Variants in GABRB1 observed in about 807,000 individuals in gnomAD.
The protein encoded by GABRB1 is gamma-aminobutyric acid type A receptor subunit beta1.
Under a neutral mutation model 51.6 loss-of-function variants are expected in GABRB1, and 17 were observed. That is an observed-to-expected ratio of 0.33 (90% CI 0.23 to 0.49). The LOEUF is 0.49. GABRB1 is among the 20% of genes least tolerant of loss of function. The pLI, the probability that GABRB1 is intolerant of heterozygous loss-of-function variation, is 0.99. For synonymous variants in GABRB1, 247 were observed against 218.9 expected, an observed-to-expected ratio of 1.13 and a Z score of -1.14; for missense variants, 410 against 600.6, an observed-to-expected ratio of 0.68 and a Z score of 3.32.
intron 4 of GABRB1, among the ~76,000 whole-genome samples, chr4:47,206,056 TA>T (rs142712255): frequency 1.2e-4 from 18 of 149,354 alleles, no homozygotes; most frequent in South Asian, 2.1e-4. Flanking sequence ...TTCACAGGAT[TA>T]AAAAAAAAAT....
chr4:47,111,305 C>A (rs888307833), intron 3 of GABRB1, among the ~76,000 whole-genome samples: 4 of 151,688 alleles, frequency 2.6e-5, no homozygotes, highest in Non-Finnish European at 5.9e-5. Context: ...TTGTGTCCAA[C>A]TAAGGAATGT....
At chr4:47,052,588 C>T (rs1206946148) in intron 3 of GABRB1, among the ~76,000 whole-genome samples, 1 of 152,152 alleles carries the variant, frequency 6.6e-6, no homozygotes, top group East Asian at 1.9e-4. Context: ...TGTACTGTGG[C>T]CTTTAAAATA....
chr4:47,079,141 A>G (rs1727710162), intron 3 of GABRB1, among the ~76,000 whole-genome samples: 1 of 152,156 alleles, frequency 6.6e-6, no homozygotes, highest in Non-Finnish European at 1.5e-5. Flanking sequence ...TGAGTTAGGG[A>G]GGATTCCCTC....
At chr4:47,163,850 A>C (rs998213899) in intron 4 of GABRB1, among the ~76,000 whole-genome samples, 4 of 151,954 alleles carry the variant, frequency 2.6e-5, no homozygotes, top group African/African-American at 7.2e-5. Flanking sequence ...ACTGTTCCTA[A>C]ATTTCCTACT....
At chr4:47,026,035 AG>A (rs1215654537) in intron 1 of GABRB1, among the ~76,000 whole-genome samples, 1 of 152,066 alleles carries the variant, frequency 6.6e-6, no homozygotes, top group Non-Finnish European at 1.5e-5. Context: ...TTCCAAGGCA[AG>A]AAAAAATGTT....
intron 1 of GABRB1, among the ~76,000 whole-genome samples, chr4:47,011,056 G>A (rs948886027): frequency 6.6e-6 from 1 of 152,090 alleles, no homozygotes; most frequent in South Asian, 2.1e-4. Flanking sequence ...ACGTTGGTGT[G>A]AATAAGTTTT....
At chr4:47,329,954 A>G (rs1725415336) in intron 5 of GABRB1, among the ~76,000 whole-genome samples, 1 of 152,104 alleles carries the variant, frequency 6.6e-6, no homozygotes, top group African/African-American at 2.4e-5. Flanking sequence ...GAGTCAGCCA[A>G]CTAGAGAGCC....
chr4:47,204,183 C>T (rs1453256591), intron 4 of GABRB1, among the ~76,000 whole-genome samples: 3 of 152,076 alleles, frequency 2.0e-5, no homozygotes, highest in East Asian at 1.9e-4. Context: ...TCTATCACAT[C>T]GAGTCTGGGT....
chr4:47,153,949 T>C (rs1390798358), intron 3 of GABRB1, among the ~76,000 whole-genome samples: 3 of 152,014 alleles, frequency 2.0e-5, no homozygotes, highest in African/African-American at 7.2e-5. Flanking sequence ...AAAGAATGCA[T>C]GTATTTTAAA....
At chr4:47,310,181 G>C (rs1394533421) in intron 4 of GABRB1, among the ~76,000 whole-genome samples, 2 of 152,160 alleles carry the variant, frequency 1.3e-5, no homozygotes, top group African/African-American at 4.8e-5. Flanking sequence ...TCTGATGTAA[G>C]AGCTCTGGAT....
chr4:47,249,410 G>A (rs1258323868), intron 4 of GABRB1, among the ~76,000 whole-genome samples: 1 of 152,006 alleles, frequency 6.6e-6, no homozygotes, highest in East Asian at 1.9e-4. Flanking sequence ...ATTTATCGAG[G>A]CTCATTTTAT....
intron 3 of GABRB1, among the ~76,000 whole-genome samples, chr4:47,063,412 T>C (rs1291577492): frequency 6.6e-6 from 1 of 152,226 alleles, no homozygotes; most frequent in Admixed American, 6.5e-5. Flanking sequence ...AACTGTCTGC[T>C]ACATGTCGGC....
At chr4:47,319,094 G>T (rs559790857) in intron 4 of GABRB1, among the ~76,000 whole-genome samples, 1 of 152,104 alleles carries the variant, frequency 6.6e-6, no homozygotes, top group African/African-American at 2.4e-5. Flanking sequence ...CCTTAAAAAT[G>T]TACTACAATT....
chr4:47,296,284 A>T (rs1280308123), intron 4 of GABRB1, among the ~76,000 whole-genome samples: 2 of 152,222 alleles, frequency 1.3e-5, no homozygotes, highest in African/African-American at 4.8e-5. Context: ...TAAATGAGCT[A>T]AATGCTCCAA....
At chr4:47,100,153 G>A (rs564075016) in intron 3 of GABRB1, among the ~76,000 whole-genome samples, 1 of 151,946 alleles carries the variant, frequency 6.6e-6, no homozygotes, top group Non-Finnish European at 1.5e-5. Flanking sequence ...TAATTAAAGT[G>A]CAATAAAAAT....
chr4:47,117,775 T>C (rs1374002551), intron 3 of GABRB1, among the ~76,000 whole-genome samples: 1 of 152,198 alleles, frequency 6.6e-6, no homozygotes, highest in African/African-American at 2.4e-5. Flanking sequence ...CGCTGGGAAA[T>C]TTGTTTAGAC....
intron 8 of GABRB1, among the ~76,000 whole-genome samples, chr4:47,422,806 A>T (rs1379728343): frequency 1.3e-5 from 2 of 152,112 alleles, no homozygotes; most frequent in Non-Finnish European, 1.5e-5. Context: ...CACCCTATAC[A>T]TGCAACACAC....
intron 3 of GABRB1, among the ~76,000 whole-genome samples, chr4:47,143,852 GC>G (rs1278976484): frequency 6.6e-6 from 1 of 151,736 alleles, no homozygotes; most frequent in Non-Finnish European, 1.5e-5. Context: ...CTTTTGTATG[GC>G]CTGGAACTAG....
chr4:47,206,015 T>C (rs1473106388), intron 4 of GABRB1, among the ~76,000 whole-genome samples: 1 of 151,920 alleles, frequency 6.6e-6, no homozygotes, highest in Non-Finnish European at 1.5e-5. Flanking sequence ...GGAGATTTTC[T>C]TAATAAAACA....
Sources: gnomAD v4.1 joint callset for allele counts (sites outside exome capture counted in the v4.1 genomes callset) on GRCh38, gnomAD v4.1.1 for gene constraint, MANE v1.5 for transcripts, NCBI Gene and HGNC (gene_info 2026-07-23, HGNC 2026-07-21) for gene names.